PRMT8: variants seen among roughly 807,000 people sequenced by gnomAD.
PRMT8 encodes the protein protein arginine methyltransferase 8.
PRMT8 carries 7 observed loss-of-function variants against 47.1 expected under a neutral mutation model. The observed-to-expected ratio is 0.15, with a 90% CI of 0.08 to 0.28. The LOEUF (loss-of-function observed/expected upper bound fraction) is 0.28, where lower values mean the gene tolerates loss of function less well. Among genes scored for constraint, PRMT8 ranks in the 10% least tolerant of loss-of-function variants. PRMT8 has a pLI of 1.00. For synonymous variants in PRMT8, 188 were observed against 186.5 expected, an observed-to-expected ratio of 1.01 and a Z score of -0.07; for missense variants, 237 against 505.4, an observed-to-expected ratio of 0.47 and a Z score of 5.09.
chr12:3,498,963 G>A (rs547791663), intron 1 of PRMT8, among the ~76,000 whole-genome samples: 15 of 152,116 alleles, frequency 9.9e-5, no homozygotes, highest in Admixed American at 2.0e-4. Flanking sequence ...CTGGTTTCCC[G>A]TGGTGGCCAA....
At chr12:3,457,335 G>A (rs1169301576) in intron 1 of PRMT8, among the ~76,000 whole-genome samples, 2 of 152,068 alleles carry the variant, frequency 1.3e-5, no homozygotes, top group Admixed American at 6.6e-5. Context: ...TTATAGACAG[G>A]GTCTCACTTT....
intron 4 of PRMT8, among the ~76,000 whole-genome samples, chr12:3,567,883 G>A (rs1348582265): frequency 6.6e-6 from 1 of 152,094 alleles, no homozygotes; most frequent in Non-Finnish European, 1.5e-5. Flanking sequence ...AGACCACTCT[G>A]GCCAACATGG....
At position 3,593,487 on chromosome 12, in the gene PRMT8, T is replaced by C. The variant is rs1867358016; in HGVS notation, c.*305T>C. 2.7e-6 allele frequency: 1 copy of C among 375,400 alleles called. No homozygotes were observed. The highest frequency in any genetic ancestry group is 4.9e-6 in the Non-Finnish European group (1 of 205,464). The allele number at this position is 375,400 out of a possible 1,614,324, so 23.3% of individuals were successfully genotyped here. On this transcript the variant is annotated 3_prime_UTR_variant, in exon 10 of 10. Transcript: ENST00000382622. This position sits in a 1 kb window ranked among gnomAD's most constrained non-coding sequence, Gnocchi z 4.8. Reference sequence around the variant, plus strand: ...TATTCGCGTCTCCCCGTCTCCTCCTTAACTGTGACTCTCCGGGTCTTCTGA... The same window carrying C: ...TATTCGCGTCTCCCCGTCTCCTCCTCAACTGTGACTCTCCGGGTCTTCTGA...
intron 1 of PRMT8, among the ~76,000 whole-genome samples, chr12:3,484,811 G>A (rs116556384): frequency 7.3e-4 from 111 of 152,302 alleles, no homozygotes; most frequent in African/African-American, 2.4e-3. Flanking sequence ...GCTTCCTTAG[G>A]TTGAGGGCAA....
In PRMT8 at chr12:3,534,516, C is replaced by G. The variant is rs78994249; in HGVS notation, c.76-6090C>G. On this transcript the variant is annotated intron_variant, in intron 1 of 9. Coordinates refer to ENST00000382622, the MANE Select transcript of PRMT8 (RefSeq NM_019854.5). ...TCCAGTTCCAGATCCACCTCCGGAC[C>G]TAGATTCCCCTAGGTGAGCCTAAAC... Among the ~76,000 whole-genome samples, 1,377 of 152,320 alleles carry G rather than the reference C, an allele frequency of 9.0e-3. 13 individuals carry two copies. The highest frequency in any genetic ancestry group is 0.058 in the East Asian group (298 of 5,174).
intron 1 of PRMT8, among the ~76,000 whole-genome samples, chr12:3,467,002 C>T (rs752558393): frequency 1.3e-5 from 2 of 152,022 alleles, no homozygotes; most frequent in African/African-American, 4.8e-5. Context: ...CTTTGGGAGG[C>T]GGAGGCGGGT....
chr12:3,556,797 G>A (rs1031129620), intron 4 of PRMT8, among the ~76,000 whole-genome samples: 5 of 152,234 alleles, frequency 3.3e-5, no homozygotes, highest in African/African-American at 4.8e-5. Flanking sequence ...GGTAAGGTGT[G>A]TGTGTCAGGG....
chr12:3,397,605 T>C (rs1345448753), intron 1 of PRMT8, among the ~76,000 whole-genome samples: 1 of 151,786 alleles, frequency 6.6e-6, no homozygotes, highest in East Asian at 1.9e-4. Flanking sequence ...GAACCACTGC[T>C]CTCTTCAAAG....
chr12:3,539,668 G>T (rs1866184370), intron 1 of PRMT8, among the ~76,000 whole-genome samples: 1 of 152,184 alleles, frequency 6.6e-6, no homozygotes, highest in Admixed American at 6.5e-5. Flanking sequence ...CAGAAGCTCT[G>T]TGGACCCCCA....
chr12:3,558,841 C>T (rs182931620), intron 4 of PRMT8, among the ~76,000 whole-genome samples: 4 of 152,306 alleles, frequency 2.6e-5, no homozygotes, highest in Admixed American at 2.6e-4. Context: ...TGCCAGCCTT[C>T]GCCATGGGAA....
intron 7 of PRMT8, among the ~76,000 whole-genome samples, chr12:3,579,672 G>A (rs534807436): frequency 1.3e-5 from 2 of 152,294 alleles, no homozygotes; most frequent in African/African-American, 2.4e-5. Context: ...ACATCTTGCC[G>A]AGCCTGTTGG....
At chr12:3,563,034 A>G (rs1365231233) in intron 4 of PRMT8, among the ~76,000 whole-genome samples, 1 of 152,076 alleles carries the variant, frequency 6.6e-6, no homozygotes, top group Non-Finnish European at 1.5e-5. Context: ...GGCCAAGCCC[A>G]CATGATCATC....
At chr12:3,424,455 T>G (rs906779957) in intron 1 of PRMT8, among the ~76,000 whole-genome samples, 52 of 152,338 alleles carry the variant, frequency 3.4e-4, no homozygotes, top group African/African-American at 1.1e-3. Context: ...TTCGGTCATA[T>G]AGCCTTTTTT....
chr12:3,561,237 G>A (rs1866631365), intron 4 of PRMT8, among the ~76,000 whole-genome samples: 1 of 152,136 alleles, frequency 6.6e-6, no homozygotes, highest in South Asian at 2.1e-4. Flanking sequence ...GCCAGTCAAT[G>A]GGAGGGGCCC....
chr12:3,541,586 GA>G, intron 2 of PRMT8, among the ~76,000 whole-genome samples: 1 of 152,086 alleles, frequency 6.6e-6, no homozygotes, highest in Non-Finnish European at 1.5e-5. Flanking sequence ...TACAGCATAA[GA>G]AAAAATTGAA....
Position 3,451,033 on chromosome 12 carries a change from A to ACCCCCCCCCCCCCCCC in PRMT8, c.48+69598_48+69613dup, listed in dbSNP as rs71061115. Among the ~76,000 whole-genome samples the ACCCCCCCCCCCCCCCC allele has an allele frequency of 3.4e-4, 9 of 26,122 alleles. 3 individuals carry two copies. The highest frequency in any genetic ancestry group is 7.7e-4 in the African/African-American group (5 of 6,506). The allele number at this position is 26,122 out of a possible 152,430, so 17.1% of individuals were successfully genotyped here. A position where few individuals can be genotyped will look rare whatever the true frequency, so the allele number is the denominator to read the frequency against. ...TGAAAGCAGTTTTGATCTTGCTGAC[A>ACCCCCCCCCCCCCCCC]CCCCCCCCCCCCCCCCCCCCCCGCC... On this transcript the variant is annotated intron_variant, in intron 1 of 9. Transcript: ENST00000452611.
chr12:3,496,212 A>ATTTTT (rs1444249290), intron 1 of PRMT8, among the ~76,000 whole-genome samples: 483 of 19,180 alleles, frequency 0.025, 6 homozygotes, highest in Admixed American at 0.03. Flanking sequence ...ATATATATAT[A>ATTTTT]TATTTTTTTT....
chr12:3,587,964 C>G (rs372765173), intron 8 of PRMT8, among the ~76,000 whole-genome samples: 2 of 152,158 alleles, frequency 1.3e-5, no homozygotes, highest in African/African-American at 4.8e-5. Context: ...CGGTGCCCCC[C>G]CCACCACAAC....
intron 1 of PRMT8, among the ~76,000 whole-genome samples, chr12:3,455,530 C>A (rs1864965078): frequency 6.6e-6 from 1 of 152,116 alleles, no homozygotes; most frequent in Admixed American, 6.5e-5. Flanking sequence ...CAAAGAAATG[C>A]CACTCACTGC....
Sources: gnomAD v4.1 joint callset for allele counts (sites outside exome capture counted in the v4.1 genomes callset) on GRCh38, gnomAD v4.1.1 for gene constraint, Gnocchi (gnomAD v3.1) non-coding constraint, MANE v1.5 for transcripts, NCBI Gene and HGNC (gene_info 2026-07-23, HGNC 2026-07-21) for gene names.